The following MRPS27 variants were observed in gnomAD, a reference collection of about 807,000 sequenced individuals.
MRPS27 encodes the protein small ribosomal subunit protein mS27.
Under a neutral mutation model 48.9 loss-of-function variants are expected in MRPS27, and 43 were observed. The observed-to-expected ratio is 0.88, with a 90% CI of 0.69 to 1.13. The LOEUF is 1.13. MRPS27 is among the 50% of genes most tolerant of loss of function. The pLI is 0.00. For synonymous variants in MRPS27, 188 were observed against 171.9 expected, an observed-to-expected ratio of 1.09 and a Z score of -0.73; for missense variants, 467 against 476.3, an observed-to-expected ratio of 0.98 and a Z score of 0.18.
At chr5:72,250,292 G>T (rs1012571921) in intron 4 of MRPS27, among the ~76,000 whole-genome samples, 2 of 152,192 alleles carry the variant, frequency 1.3e-5, no homozygotes, top group Admixed American at 6.5e-5. Flanking sequence ...GAAAGTTGGT[G>T]TCCATCATTC....
intron 4 of MRPS27, among the ~76,000 whole-genome samples, chr5:72,271,802 A>T (rs1185354690): frequency 2.0e-5 from 3 of 152,204 alleles, no homozygotes; most frequent in African/African-American, 7.2e-5. Context: ...CTATCAGTTA[A>T]TAAAGTCATC....
intron 4 of MRPS27, among the ~76,000 whole-genome samples, chr5:72,269,209 G>C (rs1257925653): frequency 3.9e-5 from 6 of 152,174 alleles, no homozygotes; most frequent in Admixed American, 1.3e-4. Context: ...TAAGGTACAA[G>C]GCTGCATCTT....
rs1463088000 is a variant in MRPS27 at position 72,259,053 on chromosome 5, T to C, written c.282-20925A>G. Among the ~76,000 whole-genome samples the C allele has an allele frequency of 2.6e-5, 4 of 152,162 alleles. No individual in the cohort carries two copies. The East Asian group carries it at 7.7e-4, about 29-fold the overall frequency. On this transcript the variant is annotated intron_variant, in intron 4 of 10. Transcript: ENST00000261413. ...CCCCCAACCATGGTTCTTTGTTCTG[T>C]GTATTTGATCTCCATTGATTCAAGA...
chr5:72,232,525 T>C lies in MRPS27; in HGVS notation c.509A>G (p.Gln170Arg). 6.2e-7 allele frequency: 1 copy of C among 1,612,602 alleles called. No individual in the cohort carries two copies. The highest frequency in any genetic ancestry group is 1.3e-5 in the African/African-American group (1 of 74,842). ...GGTGGAAGGCACTTCAAAGGCTTCT[T>C]GCATCATGACCTCAAAAACCACAGA... ...ALSVVFEVMM[Q>R]EAFEVPSTQL... The change falls in exon 7 of 11, where the codon CAA (glutamine) becomes CGA (arginine). Residue 170 changes from glutamine to arginine, a missense_variant. Physicochemically the swap from Gln to Arg is conservative, Grantham distance 43. Coordinates refer to ENST00000261413, the MANE Select transcript of MRPS27 (RefSeq NM_015084.3).
Position 72,220,688 on chromosome 5 carries a change from G to C in MRPS27, c.*221C>G, listed in dbSNP as rs1747715176. ...TCAAGAGTCCTCCTTAAGGTATTCA[G>C]CTGGTGACTTCAGTCTGACCACTAG... On this transcript the variant is annotated 3_prime_UTR_variant, in exon 11 of 11. Coordinates refer to ENST00000261413, the MANE Select transcript of MRPS27 (RefSeq NM_015084.3). The C allele has an allele frequency of 1.7e-6, 1 of 602,278 alleles. No individual in the cohort carries two copies. The highest frequency in any genetic ancestry group is 3.1e-5 in the Admixed American group (1 of 32,296). The allele number at this position is 602,278 out of a possible 1,614,324, so 37.3% of individuals were successfully genotyped here.
intron 4 of MRPS27, among the ~76,000 whole-genome samples, chr5:72,257,656 T>C (rs1448613226): frequency 6.6e-6 from 1 of 152,204 alleles, no homozygotes; most frequent in Non-Finnish European, 1.5e-5. Context: ...ACTGTTGTTA[T>C]TATTTATTTA....
chr5:72,228,648 AT>A (rs1311869879), intron 7 of MRPS27: 1 of 282,420 alleles, frequency 3.5e-6, no homozygotes, highest in Non-Finnish European at 6.5e-6. Context: ...TTTTCCAAAA[AT>A]TTGGCAATGA....
At chr5:72,257,460 T>C (rs535129143) in intron 4 of MRPS27, among the ~76,000 whole-genome samples, 19 of 152,318 alleles carry the variant, frequency 1.2e-4, no homozygotes, top group East Asian at 9.7e-4. Flanking sequence ...TTGACTGCTA[T>C]GGCTGCTACG....
At chr5:72,286,343 T>G (rs1253569548) in intron 4 of MRPS27, among the ~76,000 whole-genome samples, 1 of 152,172 alleles carries the variant, frequency 6.6e-6, no homozygotes, top group Non-Finnish European at 1.5e-5. Flanking sequence ...TTTTAAGACT[T>G]ATTTAAAAAC....
At chr5:72,237,779 G>A (rs554041066) in intron 5 of MRPS27, among the ~76,000 whole-genome samples, 1 of 151,946 alleles carries the variant, frequency 6.6e-6, no homozygotes, top group East Asian at 1.9e-4. Context: ...TCTTCCTTTT[G>A]CTTATACCTG....
At chr5:72,300,068 T>C (rs1750087807) in intron 2 of MRPS27, among the ~76,000 whole-genome samples, 1 of 152,200 alleles carries the variant, frequency 6.6e-6, no homozygotes, top group Non-Finnish European at 1.5e-5. Flanking sequence ...AAAAGAGTCA[T>C]CTTAGATACA....
intron 4 of MRPS27, among the ~76,000 whole-genome samples, chr5:72,282,237 C>A (rs1749551904): frequency 6.6e-6 from 1 of 152,116 alleles, no homozygotes; most frequent in African/African-American, 2.4e-5. Context: ...TTGCCTTTGG[C>A]CTCAAAAACC....
At chr5:72,306,018 T>C (rs1314685710) in intron 2 of MRPS27, among the ~76,000 whole-genome samples, 1 of 152,216 alleles carries the variant, frequency 6.6e-6, no homozygotes, top group African/African-American at 2.4e-5. Flanking sequence ...CAGAGCACAG[T>C]TGAACTATGG....
At chr5:72,252,480 G>A (rs924030427) in intron 4 of MRPS27, among the ~76,000 whole-genome samples, 1 of 152,116 alleles carries the variant, frequency 6.6e-6, no homozygotes, top group Non-Finnish European at 1.5e-5. Context: ...TACTTACCAT[G>A]TGCCAAGCAT....
chr5:72,239,363 T>C (rs935251513), intron 4 of MRPS27, among the ~76,000 whole-genome samples: 1 of 152,208 alleles, frequency 6.6e-6, no homozygotes, highest in East Asian at 1.9e-4. Flanking sequence ...CTATTAGTGC[T>C]CTGGTGAGAG....
chr5:72,248,499 G>T (rs1394122111), intron 4 of MRPS27, among the ~76,000 whole-genome samples: 3 of 151,996 alleles, frequency 2.0e-5, no homozygotes. Flanking sequence ...TTTACTGCCT[G>T]AGAAAATTTA....
intron 2 of MRPS27, among the ~76,000 whole-genome samples, chr5:72,301,634 G>A (rs1750128922): frequency 6.6e-6 from 1 of 152,222 alleles, no homozygotes; most frequent in Non-Finnish European, 1.5e-5. Flanking sequence ...ACTCAAGATT[G>A]CATGTGAATC....
chr5:72,235,101 G>A (rs1748165853), intron 5 of MRPS27, among the ~76,000 whole-genome samples: 1 of 152,076 alleles, frequency 6.6e-6, no homozygotes, highest in African/African-American at 2.4e-5. Context: ...GTTTCCAGGT[G>A]TTATATATAG....
intron 1 of MRPS27, 157 bp from the exon 2 acceptor site, chr5:72,314,315 T>C (rs1293120146): frequency 6.4e-6 from 3 of 471,828 alleles, no homozygotes; most frequent in Non-Finnish European, 1.1e-5. Context: ...AGTTGACAAT[T>C]CAGTGAAGAA....
Sources: allele counts gnomAD v4.1 joint callset (sites outside exome capture counted in the v4.1 genomes callset), GRCh38; gene constraint gnomAD v4.1.1; transcripts MANE v1.5; gene names NCBI Gene and HGNC (gene_info 2026-07-23, HGNC 2026-07-21).